SRRM4: variants seen among roughly 807,000 people sequenced by gnomAD.
SRRM4 encodes the protein serine/arginine repetitive matrix 4, also known as serine/arginine repetitive matrix protein 4.
Under a neutral mutation model 68.9 loss-of-function variants are expected in SRRM4, and 33 were observed. That is an observed-to-expected ratio of 0.48 (90% CI 0.36 to 0.64). The LOEUF is 0.64. Ranked by LOEUF, SRRM4 falls within the 30% of genes least tolerant of loss-of-function variation. SRRM4 has a pLI of 0.00. For missense variants in SRRM4, 817 were observed against 827.1 expected, an observed-to-expected ratio of 0.99 and a Z score of 0.15; for synonymous variants, 318 against 318.8, an observed-to-expected ratio of 1.00 and a Z score of 0.03.
At chr12:119,033,866 A>G (rs981000559) in intron 1 of SRRM4, among the ~76,000 whole-genome samples, 6 of 152,220 alleles carry the variant, frequency 3.9e-5, no homozygotes, top group Non-Finnish European at 8.8e-5. Flanking sequence ...CAATGTCAAT[A>G]TGTTCAAAGT....
intron 10 of SRRM4, among the ~76,000 whole-genome samples, chr12:119,153,203 G>A (rs1308891249): frequency 1.3e-5 from 2 of 152,028 alleles, no homozygotes; most frequent in Non-Finnish European, 2.9e-5. Flanking sequence ...TGATTTACCC[G>A]AATTCACTCA....
intron 9 of SRRM4, among the ~76,000 whole-genome samples, chr12:119,148,093 C>G (rs1415273321): frequency 1.3e-5 from 2 of 152,184 alleles, no homozygotes; most frequent in Non-Finnish European, 2.9e-5. Flanking sequence ...CTCTGTCATG[C>G]TAACAGTGAG....
Position 119,156,983 on chromosome 12 carries a change from T to A in SRRM4, c.*185T>A. 16 of 665,010 alleles carry A rather than the reference T, an allele frequency of 2.4e-5. No individual in the cohort carries two copies. In the South Asian group the frequency reaches 3.0e-4, roughly 13 times the overall value. 41.2% of individuals were successfully genotyped at this position (665,010 alleles called of 1,614,324 possible). The stretch of plus-strand genomic sequence containing the variant: ...TCTCTAGATCAGCCTGCTAGGAGCC[T>A]CTACCAGCATCATCCTGGGGCCCAG... On this transcript the variant is annotated 3_prime_UTR_variant, in exon 13 of 13. Coordinates refer to ENST00000267260, the MANE Select transcript of SRRM4 (RefSeq NM_194286.4).
Position 119,156,528 on chromosome 12 carries a change from C to T in SRRM4, c.1566C>T (p.Pro522=), listed in dbSNP as rs1401245621. The change falls in exon 13 of 13, where the codon CCC becomes CCT. Residue 522 remains proline, a synonymous_variant. Coordinates refer to ENST00000267260, the MANE Select transcript of SRRM4 (RefSeq NM_194286.4). The part of the protein sequence containing the change: ...ARKRPIPYYR[P]SPSSSGSLSS... ...AACGCCCCATCCCCTACTATCGGCC[C>T]AGCCCCTCCTCATCCGGCAGCCTCA... The T allele has an allele frequency of 3.1e-6, 5 of 1,610,534 alleles. No individual in the cohort carries two copies. The highest frequency in any genetic ancestry group is 1.3e-5 in the African/African-American group (1 of 74,852).
intron 1 of SRRM4, among the ~76,000 whole-genome samples, chr12:119,077,873 T>A (rs545054636): frequency 6.6e-6 from 1 of 152,172 alleles, no homozygotes; most frequent in East Asian, 1.9e-4. Flanking sequence ...AGGGGAACTT[T>A]CTCTCTCCCC....
chr12:119,100,451 C>A (rs1305416427), intron 1 of SRRM4, among the ~76,000 whole-genome samples: 1 of 151,566 alleles, frequency 6.6e-6, no homozygotes, highest in Non-Finnish European at 1.5e-5. Flanking sequence ...GATTGTGTCA[C>A]TGCACTCCAT....
chr12:119,047,378 G>T (rs1953714361), intron 1 of SRRM4, among the ~76,000 whole-genome samples: 1 of 151,942 alleles, frequency 6.6e-6, no homozygotes, highest in Non-Finnish European at 1.5e-5. Flanking sequence ...GGTGGTGCTT[G>T]GTTCCATAAA....
At chr12:119,123,526 G>A (rs1274927055) in intron 6 of SRRM4, among the ~76,000 whole-genome samples, 2 of 151,980 alleles carry the variant, frequency 1.3e-5, no homozygotes, top group Non-Finnish European at 2.9e-5. Flanking sequence ...GATAAGGACT[G>A]CCTGCGTAAG....
chr12:119,055,785 G>A (rs1953772391), intron 1 of SRRM4, among the ~76,000 whole-genome samples: 1 of 152,224 alleles, frequency 6.6e-6, no homozygotes, highest in Non-Finnish European at 1.5e-5. Flanking sequence ...CTGAACTTCA[G>A]TTTCCTCACC....
At chr12:118,997,992 C>T (rs529410137) in intron 1 of SRRM4, among the ~76,000 whole-genome samples, 54 of 152,194 alleles carry the variant, frequency 3.5e-4, no homozygotes, top group African/African-American at 1.2e-3. Context: ...GGAAAAAATA[C>T]GTATCAAAAT....
chr12:119,061,758 A>G (rs1265640689), intron 1 of SRRM4, among the ~76,000 whole-genome samples: 1 of 152,084 alleles, frequency 6.6e-6, no homozygotes, highest in East Asian at 1.9e-4. Flanking sequence ...TTATTGACAT[A>G]TGGGGCTGGA....
intron 1 of SRRM4, among the ~76,000 whole-genome samples, chr12:118,998,201 A>G (rs1030034468): frequency 6.7e-6 from 1 of 148,560 alleles, no homozygotes; most frequent in Non-Finnish European, 1.5e-5. Flanking sequence ...CAGAAAGGAA[A>G]GAGATATTTC....
At position 119,013,608 on chromosome 12, in the gene SRRM4, C is replaced by T. The variant is rs186541187; in HGVS notation, c.131+31595C>T. Among the ~76,000 whole-genome samples the T allele has an allele frequency of 3.7e-3, 562 of 152,002 alleles. 3 individuals are homozygous for T. Among genetic ancestry groups the T allele is most frequent in the African/African-American group, 0.013 (527 of 41,472 alleles). On this transcript the variant is annotated intron_variant, in intron 1 of 12. Transcript: ENST00000267260. The stretch of plus-strand genomic sequence containing the variant: ...ACAATGTATTATGCTGGGAAACTTG[C>T]CTTTTCTTCTTAACTTTGTATTTTG...
intron 3 of SRRM4, among the ~76,000 whole-genome samples, chr12:119,115,187 C>T (rs182354597): frequency 5.3e-5 from 8 of 152,118 alleles, no homozygotes; most frequent in East Asian, 3.9e-4. Context: ...GGTTCTACGA[C>T]GCCCACCTAA....
chr12:119,043,474 C>T (rs764233271), intron 1 of SRRM4, among the ~76,000 whole-genome samples: 4 of 152,070 alleles, frequency 2.6e-5, no homozygotes, highest in Non-Finnish European at 5.9e-5. Context: ...ATCTTTGCAG[C>T]AAACCACCAT....
chr12:119,026,570 A>G (rs1953549708), intron 1 of SRRM4, among the ~76,000 whole-genome samples: 2 of 151,870 alleles, frequency 1.3e-5, no homozygotes, highest in Non-Finnish European at 2.9e-5. Flanking sequence ...TATTTTTGAG[A>G]TGGACTCTCA....
At chr12:119,001,279 T>C (rs2135993353) in intron 1 of SRRM4, 1 of 152,310 alleles carries the variant, frequency 6.6e-6, no homozygotes, top group Admixed American at 6.5e-5. Context: ...CTCTTGACTG[T>C]CTCTGCTGGA....
intron 1 of SRRM4, among the ~76,000 whole-genome samples, chr12:119,048,566 C>A (rs909352761): frequency 6.6e-6 from 1 of 152,126 alleles, no homozygotes; most frequent in Admixed American, 6.5e-5. Context: ...AGCTCCCATT[C>A]TTTCTTTACA....
At chr12:119,033,191 G>T (rs886085432) in intron 1 of SRRM4, among the ~76,000 whole-genome samples, 4 of 151,846 alleles carry the variant, frequency 2.6e-5, no homozygotes, top group Non-Finnish European at 5.9e-5. Context: ...AAAACTTAGG[G>T]CAAATAATAT....
Sources: gnomAD v4.1 joint callset for allele counts (sites outside exome capture counted in the v4.1 genomes callset) on GRCh38, gnomAD v4.1.1 for gene constraint, MANE v1.5 for transcripts, NCBI Gene and HGNC (gene_info 2026-07-23, HGNC 2026-07-21) for gene names.